The following MAN1A1 variants were observed in gnomAD, a reference collection of about 807,000 sequenced individuals.
MAN1A1 encodes mannosyl-oligosaccharide 1,2-alpha-mannosidase IA.
A neutral mutation model predicts 70.8 loss-of-function variants in MAN1A1; 29 were observed. The ratio of observed to expected loss-of-function variants is 0.41; its 90% CI spans 0.31 to 0.56. The LOEUF is 0.56. Ranked by LOEUF, MAN1A1 falls within the 20% of genes least tolerant of loss-of-function variation. The probability of loss-of-function intolerance (pLI) is 0.29; values close to 1 mark genes in which losing one functional copy is unlikely to be tolerated. For missense variants in MAN1A1, 747 were observed against 841.3 expected (o/e 0.89, Z 1.39); for synonymous variants, 349 against 330.1 (o/e 1.06, Z -0.62).
intron 7 of MAN1A1, among the ~76,000 whole-genome samples, chr6:119,203,378 G>A (rs1186630349): frequency 6.6e-6 from 1 of 152,066 alleles, no homozygotes; most frequent in African/African-American, 2.4e-5. Context: ...AGGCCCTGAG[G>A]AGACAGCAGG....
chr6:119,218,833 C>T (rs1346277245), intron 6 of MAN1A1, among the ~76,000 whole-genome samples: 1 of 152,142 alleles, frequency 6.6e-6, no homozygotes, highest in Non-Finnish European at 1.5e-5. Flanking sequence ...CTCTGGCAAC[C>T]AGCAACCTTG....
At chr6:119,289,897 A>C (rs1289729072) in intron 5 of MAN1A1, among the ~76,000 whole-genome samples, 2 of 152,042 alleles carry the variant, frequency 1.3e-5, no homozygotes, top group African/African-American at 2.4e-5. Flanking sequence ...AGGCTAACTC[A>C]AATCTGACTG....
At chr6:119,254,040 A>T (rs1775395628) in intron 5 of MAN1A1, among the ~76,000 whole-genome samples, 1 of 152,240 alleles carries the variant, frequency 6.6e-6, no homozygotes, top group South Asian at 2.1e-4. Context: ...AAGAATCCAG[A>T]TTCTGAAAGA....
In MAN1A1 at chr6:119,187,283, T is replaced by A. The variant is rs573491073; in HGVS notation, c.1719+1122A>T. On this transcript the variant is annotated intron_variant, in intron 11 of 12. Coordinates refer to ENST00000368468, the MANE Select transcript of MAN1A1 (RefSeq NM_005907.4). ...TTCCTGATATTTTCAACTTAAAATA[T>A]TCAATTCATTTGCTGGCCAATTGAA... Among the ~76,000 whole-genome samples, 5 of 152,352 alleles carry A rather than the reference T, an allele frequency of 3.3e-5. No homozygotes were observed. The East Asian group carries it at 9.6e-4, about 29-fold the overall frequency.
chr6:119,245,792 T>A (rs979338184), intron 6 of MAN1A1, among the ~76,000 whole-genome samples: 7 of 152,278 alleles, frequency 4.6e-5, no homozygotes, highest in Admixed American at 6.5e-5. Flanking sequence ...CATCAGTGAA[T>A]ACATAAATGA....
At chr6:119,264,470 A>G (rs571036970) in intron 5 of MAN1A1, among the ~76,000 whole-genome samples, 1 of 152,338 alleles carries the variant, frequency 6.6e-6, no homozygotes, top group Admixed American at 6.5e-5. Context: ...GAGGTCCTGA[A>G]TGTGCAGTTT....
intron 5 of MAN1A1, among the ~76,000 whole-genome samples, chr6:119,257,446 G>T (rs1350385564): frequency 7.9e-5 from 12 of 152,264 alleles, no homozygotes; most frequent in African/African-American, 2.6e-4. Context: ...AGGAAGAAAG[G>T]CAGTAGCTCT....
At chr6:119,332,767 A>C (rs1773352047) in intron 2 of MAN1A1, among the ~76,000 whole-genome samples, 1 of 148,826 alleles carries the variant, frequency 6.7e-6, no homozygotes, top group African/African-American at 2.5e-5. Flanking sequence ...CCTGGGCGAC[A>C]AGAGCAAAAC....
intron 5 of MAN1A1, among the ~76,000 whole-genome samples, chr6:119,285,139 T>TTTTTTCCTTTTC (rs1554211818): frequency 7.0e-6 from 1 of 142,786 alleles, no homozygotes; most frequent in Non-Finnish European, 1.5e-5. Context: ...GTAGCAGACT[T>TTTTTTCCTTTTC]TTTTTTTTTT....
intron 2 of MAN1A1, among the ~76,000 whole-genome samples, chr6:119,325,974 G>A (rs1773136948): frequency 6.6e-6 from 1 of 152,128 alleles, no homozygotes; most frequent in Non-Finnish European, 1.5e-5. Context: ...TATCTCTTGG[G>A]TAACAGTTTA....
At chr6:119,306,731 C>G (rs1230850842) in intron 3 of MAN1A1, among the ~76,000 whole-genome samples, 165 bp downstream of exon 3, 2 of 152,184 alleles carry the variant, frequency 1.3e-5, no homozygotes, top group Non-Finnish European at 2.9e-5. Context: ...ACTACTCTAG[C>G]TGAAGGACAC....
At chr6:119,190,570 C>A (rs1773416473) in intron 9 of MAN1A1, among the ~76,000 whole-genome samples, 1 of 152,272 alleles carries the variant, frequency 6.6e-6, no homozygotes, top group Middle Eastern at 3.4e-3. Flanking sequence ...TGATAAGAGT[C>A]ATTTATAATT....
intron 6 of MAN1A1, among the ~76,000 whole-genome samples, chr6:119,229,388 T>C (rs1226606053): frequency 6.6e-6 from 1 of 152,210 alleles, no homozygotes; most frequent in Non-Finnish European, 1.5e-5. Context: ...TTTACAGTAA[T>C]GAAACCTTTT....
chr6:119,236,935 T>C (rs941552368), intron 6 of MAN1A1, among the ~76,000 whole-genome samples: 5 of 151,916 alleles, frequency 3.3e-5, no homozygotes, highest in African/African-American at 1.2e-4. Flanking sequence ...TTGGAAGAAG[T>C]TGATTCTAAC....
chr6:119,180,076 C>A, intron 12 of MAN1A1, 131 bp from the exon 13 acceptor site: 2 of 1,006,212 alleles, frequency 2.0e-6, no homozygotes, highest in Non-Finnish European at 3.0e-6. Flanking sequence ...TCAAATATAT[C>A]AAAACCCTGA....
intron 6 of MAN1A1, among the ~76,000 whole-genome samples, chr6:119,233,310 T>G (rs952116807): frequency 3.9e-5 from 6 of 152,216 alleles, no homozygotes; most frequent in African/African-American, 1.2e-4. Flanking sequence ...TGAACACAGT[T>G]TGGCCTACTT....
chr6:119,306,738 A>T (rs968552723), intron 3 of MAN1A1, among the ~76,000 whole-genome samples, 158 bp downstream of exon 3: 7 of 152,210 alleles, frequency 4.6e-5, no homozygotes, highest in Non-Finnish European at 8.8e-5. Context: ...TAGCTGAAGG[A>T]CACACTATGC....
At position 119,348,358 on chromosome 6, in the gene MAN1A1, C is replaced by T. The variant is rs1417243572; in HGVS notation, c.603+105G>A. On this transcript the variant is annotated intron_variant, in intron 2 of 12. Transcript: ENST00000368468. Reference sequence around the variant, plus strand: ...CCTGGTGGAAGGGGCAAACCTCCATCTCCCCATACATTGCATTGTTGCAGT... The same window carrying T: ...CCTGGTGGAAGGGGCAAACCTCCATTTCCCCATACATTGCATTGTTGCAGT... The T allele has an allele frequency of 2.3e-5, 27 of 1,152,916 alleles. No individual in the cohort carries two copies. The East Asian group carries it at 4.1e-4, about 17-fold the overall frequency. The allele number at this position is 1,152,916 out of a possible 1,614,324, so 71.4% of individuals were successfully genotyped here.
chr6:119,212,780 T>C (rs578171880), intron 6 of MAN1A1, among the ~76,000 whole-genome samples: 2 of 152,208 alleles, frequency 1.3e-5, no homozygotes, highest in South Asian at 2.1e-4. Context: ...CACACTGATA[T>C]CTTATTACCC....
Sources: gnomAD v4.1 joint callset for allele counts (sites outside exome capture counted in the v4.1 genomes callset) on GRCh38, gnomAD v4.1.1 for gene constraint, MANE v1.5 for transcripts, NCBI Gene and HGNC (gene_info 2026-07-23, HGNC 2026-07-21) for gene names.